Variants in SDCCAG8 observed in about 807,000 individuals in gnomAD.
SDCCAG8 encodes the protein serologically defined colon cancer antigen 8.
SDCCAG8 carries 74 observed loss-of-function variants against 101.8 expected under a neutral mutation model. The ratio of observed to expected loss-of-function variants is 0.73; its 90% CI spans 0.60 to 0.88. SDCCAG8 has a LOEUF of 0.88. SDCCAG8 is among the 40% of genes least tolerant of loss of function. The pLI is 0.00. For missense variants in SDCCAG8, 787 were observed against 822.6 expected (o/e 0.96, Z 0.53); for synonymous variants, 281 against 292.9 (o/e 0.96, Z 0.41).
At chr1:243,285,467 C>T (rs1028031241) in intron 4 of SDCCAG8, among the ~76,000 whole-genome samples, 10 of 152,074 alleles carry the variant, frequency 6.6e-5, no homozygotes, top group African/African-American at 2.4e-4. Flanking sequence ...ATTCAAAGTC[C>T]ACAATATTTT....
At chr1:243,497,678 TTTTAC>T (rs1668373677) in intron 17 of SDCCAG8, among the ~76,000 whole-genome samples, 2 of 152,106 alleles carry the variant, frequency 1.3e-5, no homozygotes, top group African/African-American at 2.4e-5. Context: ...CCGCAACACA[TTTTAC>T]TTTTACTTCA....
chr1:243,388,888 T>A (rs1447970028), intron 13 of SDCCAG8, among the ~76,000 whole-genome samples: 1 of 147,056 alleles, frequency 6.8e-6, no homozygotes, highest in Non-Finnish European at 1.5e-5. Flanking sequence ...TCCTGGTTAT[T>A]TGGGAGGCTA....
intron 12 of SDCCAG8, among the ~76,000 whole-genome samples, chr1:243,349,246 T>C (rs1272566426): frequency 6.6e-6 from 1 of 152,218 alleles, no homozygotes; most frequent in African/African-American, 2.4e-5. Flanking sequence ...TTCAATATGC[T>C]AATGTGCCCA....
At chr1:243,498,441 G>A (rs959021257) in intron 17 of SDCCAG8, among the ~76,000 whole-genome samples, 3 of 152,156 alleles carry the variant, frequency 2.0e-5, no homozygotes, top group African/African-American at 4.8e-5. Flanking sequence ...TGCATGGGAT[G>A]GCAGGTTTAC....
intron 16 of SDCCAG8, among the ~76,000 whole-genome samples, chr1:243,484,504 T>C (rs1344077156): frequency 6.6e-6 from 1 of 152,206 alleles, no homozygotes; most frequent in East Asian, 1.9e-4. Context: ...AAATAAACAG[T>C]AAGTCTAGTG....
chr1:243,321,296 G>C (rs1644593645), intron 9 of SDCCAG8, among the ~76,000 whole-genome samples: 1 of 152,006 alleles, frequency 6.6e-6, no homozygotes, highest in African/African-American at 2.4e-5. Context: ...TTTTGAAAGA[G>C]GGGTACATGT....
intron 16 of SDCCAG8, among the ~76,000 whole-genome samples, chr1:243,435,620 T>C (rs2082078214): frequency 6.6e-6 from 1 of 152,208 alleles, no homozygotes. Context: ...CATGTTTACA[T>C]AATGTTATTT....
At chr1:243,473,368 T>C (rs9428573) in intron 16 of SDCCAG8, among the ~76,000 whole-genome samples, 4,679 of 151,868 alleles carry the variant, frequency 0.031, 276 homozygotes, top group African/African-American at 0.11. Context: ...CCCCTACCCC[T>C]TCTTGCTTTA....
intron 1 of SDCCAG8, among the ~76,000 whole-genome samples, chr1:243,263,716 T>G (rs2067365393): frequency 6.6e-6 from 1 of 152,206 alleles, no homozygotes; most frequent in Non-Finnish European, 1.5e-5. Flanking sequence ...CCAACCACTT[T>G]AGCATGTTTT....
chr1:243,281,052 T>TAGGCACATATGTA (rs2068990784), intron 4 of SDCCAG8, among the ~76,000 whole-genome samples: 1 of 152,194 alleles, frequency 6.6e-6, no homozygotes, highest in Admixed American at 6.5e-5. Context: ...TTTGATACAC[T>TAGGCACATATGTA]TTTATTAGGC....
chr1:243,466,141 G>A (rs1393338552), intron 16 of SDCCAG8, among the ~76,000 whole-genome samples: 3 of 152,116 alleles, frequency 2.0e-5, no homozygotes, highest in Non-Finnish European at 4.4e-5. Context: ...CATTTTGGGG[G>A]CCCCAGTTAA....
intron 17 of SDCCAG8, among the ~76,000 whole-genome samples, chr1:243,495,381 G>A (rs1482026456): frequency 3.3e-5 from 5 of 152,218 alleles, no homozygotes; most frequent in East Asian, 1.9e-4. Context: ...CTTTCTCGGA[G>A]CCCAGAAGCA....
At chr1:243,261,300 G>A (rs1276389030) in intron 1 of SDCCAG8, among the ~76,000 whole-genome samples, 1 of 151,882 alleles carries the variant, frequency 6.6e-6, no homozygotes, top group Admixed American at 6.6e-5. Context: ...GATCATTAAT[G>A]TTCCTTCCAT....
intron 9 of SDCCAG8, among the ~76,000 whole-genome samples, chr1:243,328,960 G>C (rs1432728661): frequency 6.6e-6 from 1 of 152,074 alleles, no homozygotes; most frequent in African/African-American, 2.4e-5. Context: ...GGATATATTG[G>C]TTTATATTAA....
chr1:243,418,181 T>C (rs945473583), intron 15 of SDCCAG8, 105 bp downstream of exon 15: 2 of 780,706 alleles, frequency 2.6e-6, no homozygotes, highest in Non-Finnish European at 4.4e-6. Flanking sequence ...ATGTCAAAAT[T>C]AGGTATCTGC....
intron 16 of SDCCAG8, among the ~76,000 whole-genome samples, chr1:243,440,502 G>A (rs960483644): frequency 1.3e-5 from 2 of 152,116 alleles, no homozygotes; most frequent in Admixed American, 6.5e-5. Context: ...GCCTGTCGGA[G>A]AGCCTATGGG....
chr1:243,488,882 G>C, intron 16 of SDCCAG8, 132 bp from the exon 17 acceptor site: 1 of 1,274,342 alleles, frequency 7.8e-7, no homozygotes, highest in Non-Finnish European at 1.1e-6. Flanking sequence ...CCAGAGCCTG[G>C]CACCTCAGGG....
chr1:243,496,265 G>A (rs1423374272), intron 17 of SDCCAG8, among the ~76,000 whole-genome samples: 2 of 152,210 alleles, frequency 1.3e-5, no homozygotes, highest in Non-Finnish European at 2.9e-5. Context: ...GTACCCGAGC[G>A]GGTGCGGGCG....
intron 16 of SDCCAG8, among the ~76,000 whole-genome samples, chr1:243,450,138 G>A (rs567614829): frequency 1.3e-5 from 2 of 152,072 alleles, no homozygotes; most frequent in African/African-American, 2.4e-5. Context: ...CATGGCCTTC[G>A]ATGTCCTTCT....
Sources: allele counts gnomAD v4.1 joint callset (sites outside exome capture counted in the v4.1 genomes callset), GRCh38; gene constraint gnomAD v4.1.1; transcripts MANE v1.5; gene names NCBI Gene and HGNC (gene_info 2026-07-23, HGNC 2026-07-21).